Variants in SNX10 observed in about 807,000 individuals in gnomAD.
The protein encoded by SNX10 is sorting nexin 10.
In SNX10, 25 loss-of-function variants were observed where a neutral mutation model predicts 28.5. That is an observed-to-expected ratio of 0.88 (90% CI 0.64 to 1.22). The LOEUF (loss-of-function observed/expected upper bound fraction) is 1.22, where lower values mean the gene tolerates loss of function less well. SNX10 is among the 50% of genes most tolerant of loss of function. The pLI is 0.00. For missense variants in SNX10, 223 were observed against 242.6 expected (o/e 0.92, Z 0.54); for synonymous variants, 62 against 81.4 (o/e 0.76, Z 1.28).
In SNX10 at chr7:26,371,843, C is replaced by T; in HGVS notation, c.334C>T (p.Leu112Phe). 1.2e-6 allele frequency: 2 copies of T among 1,612,758 alleles called. No homozygotes were observed. Among genetic ancestry groups the T allele is most frequent in the Non-Finnish European group, 1.7e-6 (2 of 1,179,230 alleles). ...LRKVLQNALL[L>F]SDSSLHLFLQ... is the part of the protein sequence containing the mutation. ...TAGAGTCCTACAGAATGCACTTTTG[C>T]TTTCAGATAGCAGCCTTCACCTCTT... The change falls in exon 6 of 7, where the codon CTT (leucine) becomes TTT (phenylalanine). Residue 112 changes from leucine to phenylalanine, a missense_variant. By Grantham distance (22) the Leu-to-Phe change is conservative. Coordinates refer to ENST00000338523, the MANE Select transcript of SNX10 (RefSeq NM_013322.3).
intron 1 of SNX10, among the ~76,000 whole-genome samples, chr7:26,320,352 T>C (rs988049269): frequency 1.3e-5 from 2 of 152,060 alleles, no homozygotes; most frequent in African/African-American, 4.8e-5. Context: ...AGTAAAAAAA[T>C]GAAAGCCCCC....
intron 1 of SNX10, among the ~76,000 whole-genome samples, chr7:26,336,742 G>C (rs1787960186): frequency 6.6e-6 from 1 of 152,144 alleles, no homozygotes; most frequent in African/African-American, 2.4e-5. Flanking sequence ...TGTTTGAACA[G>C]CCCCGATCAT....
At chr7:26,352,925 C>T (rs553922368) in intron 2 of SNX10, among the ~76,000 whole-genome samples, 18 of 152,112 alleles carry the variant, frequency 1.2e-4, no homozygotes, top group Non-Finnish European at 2.5e-4. Context: ...GAGGTTTTCA[C>T]ATTCTAGATT....
Position 26,361,030 on chromosome 7 carries a change from A to T in SNX10, c.80A>T (p.His27Leu). Residue 27 changes from histidine (H) to leucine (L), a missense_variant, in exon 3 of 7, where the codon CAT (histidine) becomes CTT (leucine). His to Leu is a moderately conservative substitution (Grantham distance 99). Transcript: ENST00000338523. Reference protein sequence around the residue: ...DPRIQKEDFWHSYIDYEICIH... With the variant: ...DPRIQKEDFWLSYIDYEICIH... ...AGGATTCAGAAGGAGGACTTCTGGC[A>T]TTCTTACATTGACTATGAGATATGT... The T allele has an allele frequency of 6.2e-6, 10 of 1,608,220 alleles. No individual in the cohort carries two copies. The highest frequency in any genetic ancestry group is 8.5e-6 in the Non-Finnish European group (10 of 1,175,216).
intron 2 of SNX10, among the ~76,000 whole-genome samples, chr7:26,352,001 A>C (rs1741450714): frequency 6.6e-6 from 1 of 152,140 alleles, no homozygotes; most frequent in Non-Finnish European, 1.5e-5. Context: ...TAACATGTCA[A>C]TATTGATTAA....
chr7:26,337,113 T>A (rs1165841076), intron 1 of SNX10, among the ~76,000 whole-genome samples: 1 of 152,246 alleles, frequency 6.6e-6, no homozygotes. Context: ...GCAGTGGATA[T>A]TATTACAGAA....
At chr7:26,339,530 CTT>C (rs142702810) in intron 1 of SNX10, among the ~76,000 whole-genome samples, 1 of 96,034 alleles carries the variant, frequency 1.0e-5, no homozygotes. Context: ...TGAGCTTGAT[CTT>C]TTTTTTTTTT....
chr7:26,343,065 A>G (rs1444499548), intron 1 of SNX10, among the ~76,000 whole-genome samples: 1 of 152,050 alleles, frequency 6.6e-6, no homozygotes, highest in Non-Finnish European at 1.5e-5. Flanking sequence ...CAACCTCCCA[A>G]AGTGCTGAGA....
At chr7:26,365,205 C>A in intron 5 of SNX10, 60 bp downstream of exon 5, 1 of 979,346 alleles carries the variant, frequency 1.0e-6, no homozygotes, top group Non-Finnish European at 1.7e-6. Context: ...TTTACAAGAG[C>A]TGCATGGTGG....
At chr7:26,341,837 A>G (rs1307784894) in intron 1 of SNX10, among the ~76,000 whole-genome samples, 1 of 151,956 alleles carries the variant, frequency 6.6e-6, no homozygotes, top group African/African-American at 2.4e-5. Context: ...GAGTTTGGAA[A>G]TCTATACAAA....
chr7:26,372,714 A>C lies in SNX10; in HGVS notation c.*142A>C, dbSNP rs966420476. The C allele has an allele frequency of 5.1e-6, 3 of 583,762 alleles. No individual in the cohort carries two copies. In the African/African-American group the frequency reaches 5.6e-5, roughly 11 times the overall value. The allele number at this position is 583,762 out of a possible 1,614,324, so 36.2% of individuals were successfully genotyped here. A position where few individuals can be genotyped will look rare whatever the true frequency, so the allele number is the denominator to read the frequency against. On this transcript the variant is annotated 3_prime_UTR_variant, in exon 7 of 7. Coordinates refer to ENST00000338523, the MANE Select transcript of SNX10 (RefSeq NM_013322.3). Reference sequence around the variant, plus strand: ...AATTCTTAAAGATGTTGGGTTGTTTATTAGTGGTATTTTTATGTTGTCTTA... The same window carrying C: ...AATTCTTAAAGATGTTGGGTTGTTTCTTAGTGGTATTTTTATGTTGTCTTA...
rs373661198 is a variant in SNX10 at position 26,307,634 on chromosome 7, T to C, written c.-24+15548T>C. ...AGCTAATTTTTGCATTTTTTTTTGT[T>C]TTTGTTCCAGAGATGGGGTTTTGCC... On this transcript the variant is annotated intron_variant, in intron 1 of 6. Coordinates refer to ENST00000338523, the MANE Select transcript of SNX10 (RefSeq NM_013322.3). 1.3e-4 allele frequency among the ~76,000 whole-genome samples: 19 copies of C among 151,980 alleles called. 1 individual carries two copies. The highest frequency in any genetic ancestry group is 1.2e-3 in the East Asian group (6 of 5,176).
intron 2 of SNX10, 33 bp from the exon 3 acceptor site, chr7:26,360,942 A>G (rs776902366): frequency 6.2e-7 from 1 of 1,608,544 alleles, no homozygotes; most frequent in Non-Finnish European, 8.5e-7. Flanking sequence ...TGCAGTTCTG[A>G]AGAATATTTC....
In SNX10 at chr7:26,364,161, G is replaced by A. The variant is rs983706575; in HGVS notation, c.112-374G>A. On this transcript the variant is annotated intron_variant, in intron 3 of 6. Coordinates refer to ENST00000338523, the MANE Select transcript of SNX10 (RefSeq NM_013322.3). This position sits in a 1 kb window ranked among gnomAD's most constrained non-coding sequence, Gnocchi z 4.9. The stretch of plus-strand genomic sequence containing the variant: ...AGCCCCAAAGTTTCCTCCAGCTTAC[G>A]TGGATGGTGGTAAAATGCAACGGAT... Among the ~76,000 whole-genome samples the A allele has an allele frequency of 6.6e-6, 1 of 152,182 alleles. No individual in the cohort carries two copies. Among genetic ancestry groups the A allele is most frequent in the African/African-American group, 2.4e-5 (1 of 41,448 alleles).
chr7:26,346,613 C>T (rs1788397653), intron 2 of SNX10, 147 bp downstream of exon 2: 1 of 702,874 alleles, frequency 1.4e-6, no homozygotes, highest in African/African-American at 1.8e-5. Context: ...TGCTCCTCTA[C>T]TCCCACCATT....
At position 26,365,151 on chromosome 7, in the gene SNX10, T is replaced by G. The variant is rs753974313; in HGVS notation, c.311+6T>G. 1.9e-6 allele frequency: 3 copies of G among 1,579,560 alleles called. No homozygotes were observed. The highest frequency in any genetic ancestry group is 4.5e-5 in the East Asian group (2 of 44,694). The stretch of plus-strand genomic sequence containing the variant: ...CTGGAAGATTTCCTCAGAAAGTGAG[T>G]GTCCAGAAACTTTTGTGGCCAGACA... On this transcript the variant is annotated splice_donor_region_variant and intron_variant, in intron 5 of 6. Transcript: ENST00000338523.
At chr7:26,296,975 A>G (rs192781406) in intron 1 of SNX10, among the ~76,000 whole-genome samples, 1 of 152,366 alleles carries the variant, frequency 6.6e-6, no homozygotes, top group Admixed American at 6.5e-5. Flanking sequence ...TTGCCTCTCA[A>G]TTTGGAAAAG....
rs12113583 is a variant in SNX10, at chr7:26,353,463, T to C, written c.24+6997T>C. On this transcript the variant is annotated intron_variant, in intron 2 of 6. Transcript: ENST00000338523. ...TTTTTTTTTTTTTTTTTTTTTTTGG[T>C]GGGGAGACAGAGTCTTGGTCTGTCG... is the stretch of plus-strand genomic sequence containing the variant. Among the ~76,000 whole-genome samples, 46 of 106,404 alleles carry C rather than the reference T, an allele frequency of 4.3e-4. 1 individual carries two copies. Among genetic ancestry groups the C allele is most frequent in the South Asian group, 2.2e-3 (7 of 3,252 alleles). The allele number at this position is 106,404 out of a possible 152,430, so 69.8% of individuals were successfully genotyped here. A position where few individuals can be genotyped will look rare whatever the true frequency, so the allele number is the denominator to read the frequency against.
chr7:26,325,970 T>C (rs1787489439), intron 1 of SNX10, among the ~76,000 whole-genome samples: 1 of 152,122 alleles, frequency 6.6e-6, no homozygotes, highest in Admixed American at 6.5e-5. Context: ...TCAGGTGATC[T>C]ACCAGCCCTG....
Sources: gnomAD v4.1 joint callset for allele counts (sites outside exome capture counted in the v4.1 genomes callset) on GRCh38, gnomAD v4.1.1 for gene constraint, Gnocchi (gnomAD v3.1) non-coding constraint, MANE v1.5 for transcripts, NCBI Gene and HGNC (gene_info 2026-07-23, HGNC 2026-07-21) for gene names.